The following BMP1 variants were observed in gnomAD, a reference collection of about 807,000 sequenced individuals.
BMP1 encodes the protein bone morphogenetic protein 1, also known as mammalian tolloid protein.
A neutral mutation model predicts 116.8 loss-of-function variants in BMP1; 63 were observed. The observed-to-expected ratio is 0.54, with a 90% CI of 0.44 to 0.67. BMP1 has a LOEUF of 0.67. Among genes scored for constraint, BMP1 ranks in the 30% least tolerant of loss-of-function variants. BMP1 has a pLI of 0.00. For synonymous variants in BMP1, 536 were observed against 533.4 expected (o/e 1.00, Z -0.07); for missense variants, 1,183 against 1,358.9 (o/e 0.87, Z 2.04).
rs1828956817 is a variant in BMP1 at position 22,192,248 on chromosome 8, C to T, written c.1180+97C>T. The T allele has an allele frequency of 4.7e-6, 5 of 1,059,026 alleles. No individual in the cohort carries two copies. In the East Asian group the frequency reaches 9.9e-5, roughly 21 times the overall value. 65.6% of individuals were successfully genotyped at this position (1,059,026 alleles called of 1,614,324 possible). On this transcript the variant is annotated intron_variant, in intron 9 of 19. Coordinates refer to ENST00000306385, the MANE Select transcript of BMP1 (RefSeq NM_006129.5). The stretch of plus-strand genomic sequence containing the variant: ...ATCCCCCTCCAGGGCCCAACACTGG[C>T]CAGGGATGACAACCTGGTATGGGAG...
At chr8:22,207,062 G>A in intron 17 of BMP1, 81 bp downstream of exon 17, 4 of 1,569,722 alleles carry the variant, frequency 2.5e-6, no homozygotes, top group Non-Finnish European at 3.5e-6. Context: ...CAGGCTGCAG[G>A]CTGAGCCCAG....
At chr8:22,189,371 A>ATC (rs1316613071) in intron 8 of BMP1, among the ~76,000 whole-genome samples, 2 of 150,328 alleles carry the variant, frequency 1.3e-5, no homozygotes, top group African/African-American at 4.9e-5. Context: ...TTAGAATACT[A>ATC]TCGTCTTGAT....
In BMP1 at chr8:22,194,144, G is replaced by A. The variant is rs1829009591; in HGVS notation, c.1267G>A (p.Val423Ile). 2 of 1,614,046 alleles carry A rather than the reference G, an allele frequency of 1.2e-6. No individual in the cohort carries two copies. Among genetic ancestry groups the A allele is most frequent in the African/African-American group, 1.3e-5 (1 of 74,926 alleles). Reference protein sequence around the residue: ...WVEFRSSSNWVGKGFFAVYEA... With the variant: ...WVEFRSSSNWIGKGFFAVYEA... ...TGAATTCCGCAGCAGCAGCAATTGG[G>A]TTGGAAAGGGCTTCTTTGCAGTCTA... Residue 423 changes from valine (V) to isoleucine (I), a missense_variant, in exon 10 of 20, where the codon GTT becomes ATT. This residue lies in a region of BMP1 where 956 missense variants were observed against 1,135.2 expected (regional missense o/e 0.84). Coordinates refer to ENST00000306385, the MANE Select transcript of BMP1 (RefSeq NM_006129.5). The surrounding 1 kb of genome is among the most constrained non-coding windows in gnomAD (Gnocchi z 4.5).
At chr8:22,206,804 C>T (rs201575366) in intron 16 of BMP1, 50 bp from the exon 17 acceptor site, 94 of 1,610,942 alleles carry the variant, frequency 5.8e-5, no homozygotes, top group Middle Eastern at 1.7e-4. Context: ...CAGGAGGCAT[C>T]GGAGCTTGGG....
intron 15 of BMP1, chr8:22,199,037 G>A (rs1255366155): frequency 7.4e-7 from 1 of 1,345,396 alleles, no homozygotes; most frequent in Non-Finnish European, 9.9e-7. Context: ...GAGGGGGCAG[G>A]GGACCGACAC....
chr8:22,189,437 C>CACAA (rs935539122), intron 8 of BMP1, among the ~76,000 whole-genome samples: 3 of 145,596 alleles, frequency 2.1e-5, no homozygotes, highest in Non-Finnish European at 4.5e-5. Context: ...TGGAGATACA[C>CACAA]ACACACACAC....
chr8:22,201,366 G>A (rs1456041924), intron 15 of BMP1: 21 of 1,472,384 alleles, frequency 1.4e-5, no homozygotes, highest in Middle Eastern at 2.6e-4. Flanking sequence ...CACTGTGCCC[G>A]TCCGCGGACC....
intron 18 of BMP1, among the ~76,000 whole-genome samples, chr8:22,208,816 G>T (rs1829410706): frequency 1.3e-5 from 2 of 152,132 alleles, no homozygotes; most frequent in African/African-American, 4.8e-5. Context: ...CTTCAACTCA[G>T]TCCCTGACCC....
intron 6 of BMP1, among the ~76,000 whole-genome samples, chr8:22,178,408 G>T (rs2131852400): frequency 6.6e-6 from 1 of 152,278 alleles, no homozygotes; most frequent in South Asian, 2.1e-4. Context: ...TCCCGTCTCA[G>T]CCTACTGAGT....
chr8:22,188,732 C>T (rs1210199900), intron 8 of BMP1, among the ~76,000 whole-genome samples: 33 of 152,192 alleles, frequency 2.2e-4, no homozygotes, highest in Admixed American at 2.2e-3. Context: ...AGCGATGTGA[C>T]CTCTGGTTCC....
At chr8:22,201,387 C>T (rs1315596701) in intron 15 of BMP1, 3 of 1,461,064 alleles carry the variant, frequency 2.1e-6, no homozygotes, top group Non-Finnish European at 2.7e-6. Flanking sequence ...GGGGACCCTT[C>T]CCCGTGCCCT....
chr8:22,176,850 C>A, intron 4 of BMP1, 111 bp from the exon 5 acceptor site: 1 of 1,023,426 alleles, frequency 9.8e-7, no homozygotes, highest in Non-Finnish European at 1.4e-6. Flanking sequence ...TCAGGGCCCA[C>A]CCCTCCCCTT....
Position 22,207,622 on chromosome 8 carries a change from C to G in BMP1, c.2575+106C>G, listed in dbSNP as rs369747580. 1.3e-4 allele frequency: 166 copies of G among 1,270,536 alleles called. 1 individual carries two copies. The African/African-American group carries it at 1.6e-3, about 12-fold the overall frequency. 78.7% of individuals were successfully genotyped at this position (1,270,536 alleles called of 1,614,324 possible). On this transcript the variant is annotated intron_variant, in intron 18 of 19. Coordinates refer to ENST00000306385, the MANE Select transcript of BMP1 (RefSeq NM_006129.5). ...GAAGGTACAGAGGGACTGAGCCCTG[C>G]GACCCAGGGCCAGGGTTGTGGGTGA...
At chr8:22,200,787 C>T (rs1586468424) in intron 15 of BMP1, among the ~76,000 whole-genome samples, 2 of 152,258 alleles carry the variant, frequency 1.3e-5, no homozygotes, top group East Asian at 3.9e-4. Flanking sequence ...AAGTACTGTT[C>T]CCCTCTACCG....
chr8:22,209,892 G>A (rs75518990), intron 19 of BMP1, among the ~76,000 whole-genome samples, 197 bp downstream of exon 19: 3 of 152,250 alleles, frequency 2.0e-5, no homozygotes, highest in Non-Finnish European at 4.4e-5. Flanking sequence ...CATCCCCGAC[G>A]TAGGAAACCA....
intron 16 of BMP1, among the ~76,000 whole-genome samples, chr8:22,203,371 C>A (rs1352542404): frequency 1.3e-5 from 2 of 152,110 alleles, no homozygotes; most frequent in Non-Finnish European, 2.9e-5. Context: ...GCCTGGCCAG[C>A]GTGATGAAAA....
At chr8:22,197,471 G>C (rs770993394) in intron 15 of BMP1, 51 bp downstream of exon 15, 31 of 1,552,960 alleles carry the variant, frequency 2.0e-5, no homozygotes, top group African/African-American at 5.4e-5. Context: ...GGAGAACAGG[G>C]CTCCCTTTCT....
chr8:22,200,430 C>G (rs1002163571), intron 15 of BMP1, among the ~76,000 whole-genome samples: 1 of 152,152 alleles, frequency 6.6e-6, no homozygotes, highest in African/African-American at 2.4e-5. Context: ...CTGTGCCTGC[C>G]TCTTCACACA....
chr8:22,201,607 G>T, intron 15 of BMP1, 196 bp from the exon 16 acceptor site: 1 of 1,364,646 alleles, frequency 7.3e-7, no homozygotes, highest in Non-Finnish European at 9.7e-7. Flanking sequence ...TGCTCAGCTG[G>T]TCCTGCTGGA....
Sources: gnomAD v4.1 joint callset for allele counts (sites outside exome capture counted in the v4.1 genomes callset) on GRCh38, gnomAD v4.1.1 for gene constraint, gnomAD v4.1.1 regional missense constraint, Gnocchi (gnomAD v3.1) non-coding constraint, MANE v1.5 for transcripts, NCBI Gene and HGNC (gene_info 2026-07-23, HGNC 2026-07-21) for gene names.